Variants in CFAP99 observed in about 807,000 individuals in gnomAD.
The protein encoded by CFAP99 is cilia and flagella associated protein 99, also known as cilia- and flagella-associated protein 99.
A neutral mutation model predicts 82.7 loss-of-function variants in CFAP99; 84 were observed. The observed-to-expected ratio is 1.02, with a 90% CI of 0.85 to 1.22. The LOEUF (loss-of-function observed/expected upper bound fraction) is 1.22, where lower values mean the gene tolerates loss of function less well. CFAP99 is among the 50% of genes most tolerant of loss of function. The pLI, the probability that CFAP99 is intolerant of heterozygous loss-of-function variation, is 0.00. For synonymous variants in CFAP99, 456 were observed against 429.5 expected (o/e 1.06, Z -0.76); for missense variants, 1,059 against 983.5 (o/e 1.08, Z -1.03).
At chr4:2,442,014 C>A (rs1047926109) in intron 4 of CFAP99, among the ~76,000 whole-genome samples, 15 of 152,174 alleles carry the variant, frequency 9.9e-5, no homozygotes, top group Admixed American at 2.0e-4. Context: ...GGAGTCAGAC[C>A]CACCGCAAAG....
rs1347895548 is a variant in CFAP99, at chr4:2,448,099, G to A, written c.643-1571G>A. Among the ~76,000 whole-genome samples the A allele has an allele frequency of 1.3e-5, 2 of 152,132 alleles. No homozygotes were observed. Among genetic ancestry groups the A allele is most frequent in the Non-Finnish European group, 2.9e-5 (2 of 68,018 alleles). On this transcript the variant is annotated intron_variant, in intron 6 of 14. Coordinates refer to ENST00000635017, the Ensembl canonical transcript of CFAP99. This position sits in a 1 kb window ranked among gnomAD's most constrained non-coding sequence, Gnocchi z 5.2. ...TGGATGGATGGGTGGGTGAGTGGGT[G>A]GATGATCAGATGGATGGATGATTAG...
intron 6 of CFAP99, among the ~76,000 whole-genome samples, chr4:2,447,135 T>C (rs974790812): frequency 6.8e-6 from 1 of 146,608 alleles, no homozygotes; most frequent in Non-Finnish European, 1.5e-5. Context: ...GATGGATGGA[T>C]AGATGATCAG....
rs1208509007 is a variant in CFAP99 at position 2,418,997 on chromosome 4, G to C, written c.-114G>C. On this transcript the variant is annotated 5_prime_UTR_variant, in exon 1 of 15. Transcript: ENST00000635017. This position sits in a 1 kb window ranked among gnomAD's most constrained non-coding sequence, Gnocchi z 4.6. ...TCCTGCCTACCGGGAGCTGACGGAC[G>C]ACGACTGCCAACACCTTAGCCCCAG... is the stretch of plus-strand genomic sequence containing the variant. The C allele has an allele frequency of 6.6e-6, 1 of 152,112 alleles. No individual in the cohort carries two copies. Among genetic ancestry groups the C allele is most frequent in the Non-Finnish European group, 1.5e-5 (1 of 68,014 alleles). The allele number at this position is 152,112 out of a possible 1,614,324, so 9.4% of individuals were successfully genotyped here.
At chr4:2,451,630 C>G (rs3135155) in intron 10 of CFAP99, among the ~76,000 whole-genome samples, 115,295 of 151,880 alleles carry the variant, frequency 0.76, 43,844 homozygotes, top group Admixed American at 0.79. Context: ...GTTACCTCCT[C>G]CCTGGACCCC....
At chr4:2,431,938 C>T (rs1733810082) in intron 2 of CFAP99, among the ~76,000 whole-genome samples, 1 of 152,154 alleles carries the variant, frequency 6.6e-6, no homozygotes. Context: ...AGTTTTGAAG[C>T]AAGATGTATT....
intron 10 of CFAP99, 105 bp downstream of exon 10, chr4:2,451,457 C>T (rs879608798): frequency 2.2e-5 from 23 of 1,052,234 alleles, no homozygotes; most frequent in Non-Finnish European, 2.8e-5. Flanking sequence ...GAGAGGGACT[C>T]GGGGGTCACA....
At chr4:2,439,897 G>A (rs1208049860) in intron 4 of CFAP99, among the ~76,000 whole-genome samples, 1 of 151,886 alleles carries the variant, frequency 6.6e-6, no homozygotes, top group East Asian at 1.9e-4. Context: ...AGGCTGGAGT[G>A]CAGTGGTGCA....
At chr4:2,449,599 C>T (rs1252037481) in intron 6 of CFAP99, 71 bp from the exon 7 acceptor site, 3 of 1,374,372 alleles carry the variant, frequency 2.2e-6, no homozygotes, top group African/African-American at 2.9e-5. Context: ...AAGCTGTCAG[C>T]CCTGGCATTT....
rs577292471 is a variant in CFAP99, at chr4:2,422,628, G to A, written c.-18+3535G>A. On this transcript the variant is annotated intron_variant, in intron 1 of 14. Transcript: ENST00000635017. Reference sequence around the variant, plus strand: ...CCATCCACTCTCACCGCCCCCACCAGGCGCAAGAAGGGGCCCTTTTCCTGG... The same window carrying A: ...CCATCCACTCTCACCGCCCCCACCAAGCGCAAGAAGGGGCCCTTTTCCTGG... Among the ~76,000 whole-genome samples, 46 of 152,252 alleles carry A rather than the reference G, an allele frequency of 3.0e-4. 1 individual carries two copies. The highest frequency in any genetic ancestry group is 2.3e-3 in the Admixed American group (35 of 15,282).
chr4:2,426,678 C>T, intron 2 of CFAP99, 92 bp downstream of exon 2: 2 of 807,146 alleles, frequency 2.5e-6, no homozygotes, highest in Non-Finnish European at 4.1e-6. Flanking sequence ...TTCCTAACGA[C>T]TGCCTTCCTT....
chr4:2,458,615 G>A, intron 11 of CFAP99, 108 bp from the exon 12 acceptor site: 1 of 1,371,814 alleles, frequency 7.3e-7, no homozygotes. Context: ...TTCAAGGGCA[G>A]GGACTGGGTC....
intron 12 of CFAP99, 74 bp downstream of exon 12, chr4:2,458,938 G>T: frequency 6.7e-7 from 1 of 1,484,094 alleles, no homozygotes; most frequent in Non-Finnish European, 8.9e-7. Context: ...ACCCTTTCCT[G>T]AGTGAGCCAC....
intron 5 of CFAP99, among the ~76,000 whole-genome samples, chr4:2,444,268 G>A (rs1734112559): frequency 6.6e-6 from 1 of 152,154 alleles, no homozygotes; most frequent in Admixed American, 6.5e-5. Flanking sequence ...GTTGCCTCTG[G>A]GAAGCTACTC....
At chr4:2,434,358 T>C (rs1383809833) in intron 2 of CFAP99, among the ~76,000 whole-genome samples, 2 of 152,172 alleles carry the variant, frequency 1.3e-5, no homozygotes, top group Non-Finnish European at 2.9e-5. Flanking sequence ...ATAGGGGAAC[T>C]GCACCCTGAG....
intron 5 of CFAP99, among the ~76,000 whole-genome samples, chr4:2,444,329 T>C (rs1177176260): frequency 6.6e-6 from 1 of 152,178 alleles, no homozygotes; most frequent in Non-Finnish European, 1.5e-5. Context: ...CCATTCAGGC[T>C]TCCTCTGCCT....
intron 12 of CFAP99, 49 bp from the exon 13 acceptor site, chr4:2,459,058 C>G (rs1734508114): frequency 8.1e-6 from 12 of 1,473,196 alleles, no homozygotes; most frequent in Admixed American, 2.3e-5. Context: ...CTGTCCAGCC[C>G]CTGCCCTGCC....
chr4:2,442,987 TGGGGTGCTGGGGGCCTTGG>T (rs1560383953), intron 4 of CFAP99, 124 bp from the exon 5 acceptor site: 1 of 272,520 alleles, frequency 3.7e-6, no homozygotes, highest in African/African-American at 1.1e-4. Context: ...GGGAGCTCAC[TGGGGTGCTGGGGGCCTTGG>T]GGGGAGCCAC....
rs1734092464 is a variant in CFAP99, at chr4:2,443,247, G to A, written c.464+5G>A. On this transcript the variant is annotated splice_donor_5th_base_variant and intron_variant, in intron 5 of 14. Coordinates refer to ENST00000635017, the Ensembl canonical transcript of CFAP99. ...CTGGATCGACCCCCTGATGAGGTAG[G>A]CTGGATGGGGGGCTCTGGGGGCCCT... is the stretch of plus-strand genomic sequence containing the variant. The A allele has an allele frequency of 6.6e-7, 1 of 1,521,326 alleles. No homozygotes were observed. The highest frequency in any genetic ancestry group is 2.4e-5 in the East Asian group (1 of 40,848). The allele number at this position is 1,521,326 out of a possible 1,614,324, so 94.2% of individuals were successfully genotyped here. A position where few individuals can be genotyped will look rare whatever the true frequency, so the allele number is the denominator to read the frequency against.
Position 2,462,703 on chromosome 4 carries a change from G to A in CFAP99, c.1922G>A (p.Gly641Glu). ...GCAGGGACCGGCGTCCCGGGGCGGG[G>A]ATGGCGGGGAGATCGGGTCCGGTCC... Residue 641 changes from glycine (G) to glutamate (E), a missense_variant, in exon 15 of 15, where the codon GGA becomes GAA. By Grantham distance (98) the Gly-to-Glu change is moderately conservative (BLOSUM62 -2). Coordinates refer to ENST00000635017, the Ensembl canonical transcript of CFAP99. The surrounding 1 kb of genome is among the most constrained non-coding windows in gnomAD (Gnocchi z 4.1). The A allele has an allele frequency of 8.0e-7, 1 of 1,253,840 alleles. No homozygotes were observed. The highest frequency in any genetic ancestry group is 1.0e-6 in the Non-Finnish European group (1 of 998,336). 77.7% of individuals were successfully genotyped at this position (1,253,840 alleles called of 1,614,324 possible).
Sources: gnomAD v4.1 joint callset for allele counts (sites outside exome capture counted in the v4.1 genomes callset) on GRCh38, gnomAD v4.1.1 for gene constraint, Gnocchi (gnomAD v3.1) non-coding constraint, MANE v1.5 for transcripts, NCBI Gene and HGNC (gene_info 2026-07-23, HGNC 2026-07-21) for gene names.